Variants in MID1 observed in about 807,000 individuals in gnomAD.
The protein encoded by MID1 is E3 ubiquitin-protein ligase Midline-1.
In MID1, 7 loss-of-function variants were observed where a neutral mutation model predicts 40.4. The observed-to-expected ratio is 0.17, with a 90% CI of 0.10 to 0.33. The LOEUF (loss-of-function observed/expected upper bound fraction) is 0.33. Among genes scored for constraint, MID1 ranks in the 10% least tolerant of loss-of-function variants. The probability of loss-of-function intolerance (pLI) is 1.00; values close to 1 mark genes in which losing one functional copy is unlikely to be tolerated. For synonymous variants in MID1, 229 were observed against 221.2 expected (o/e 1.04, Z -0.31); for missense variants, 367 against 558.5 (o/e 0.66, Z 3.46).
chrX:10,687,345 C>T (rs1366159312), intron 1 of MID1, among the ~76,000 whole-genome samples: 5 of 111,980 alleles, frequency 4.5e-5, no homozygotes, highest in African/African-American at 1.6e-4. Context: ...AAAAGTCAGC[C>T]TAAAGAAGGC....
At chrX:10,782,238 A>G (rs1284754411) in intron 1 of MID1, among the ~76,000 whole-genome samples, 2 of 111,552 alleles carry the variant, frequency 1.8e-5, no homozygotes, top group East Asian at 5.6e-4. Context: ...CCCACATCCA[A>G]TTAGCTGCCC....
chrX:10,603,552 T>C (rs1935570899), intron 1 of MID1, among the ~76,000 whole-genome samples: 1 of 111,697 alleles, frequency 9.0e-6, no homozygotes, highest in Non-Finnish European at 1.9e-5. Flanking sequence ...CATGGCTTGA[T>C]CCTAAAGGAT....
At chrX:10,548,742 A>ACT (rs200162229) in intron 2 of MID1, among the ~76,000 whole-genome samples, 3,339 of 110,817 alleles carry the variant, frequency 0.03, 128 homozygotes, top group African/African-American at 0.1. Flanking sequence ...CAAACACATA[A>ACT]CTCTCCACAT....
chrX:10,562,702 T>G (rs963605948), intron 2 of MID1, among the ~76,000 whole-genome samples: 1 of 106,108 alleles, frequency 9.4e-6, no homozygotes, highest in African/African-American at 3.8e-5. Flanking sequence ...AAGTCCAAAG[T>G]TGACTTGTAT....
chrX:10,765,065 T>G (rs779064363), intron 1 of MID1, among the ~76,000 whole-genome samples: 1 of 111,422 alleles, frequency 9.0e-6, no homozygotes, highest in African/African-American at 3.3e-5. Context: ...CTAACTAACA[T>G]GCTCAGCCCA....
At chrX:10,786,804 C>T (rs2043887914) in intron 1 of MID1, among the ~76,000 whole-genome samples, 1 of 79,227 alleles carries the variant, frequency 1.3e-5, no homozygotes, top group African/African-American at 5.4e-5. Flanking sequence ...ACATCACACA[C>T]CGGGGCCTGT....
At chrX:10,522,481 T>A (rs1237834715) in intron 3 of MID1, among the ~76,000 whole-genome samples, 1 of 112,342 alleles carries the variant, frequency 8.9e-6, no homozygotes, top group Non-Finnish European at 1.9e-5. Flanking sequence ...TTTGTTATGG[T>A]AGCCATAGTA....
intron 1 of MID1, among the ~76,000 whole-genome samples, chrX:10,580,680 G>A (rs1032628771): frequency 1.3e-4 from 14 of 110,843 alleles, no homozygotes; most frequent in Admixed American, 1.9e-4. Flanking sequence ...CTGATTTTGC[G>A]CTCCATTAAA....
rs779325473 is a variant in MID1, at chrX:10,680,523, GT to G, written c.-186-60105del. Among the ~76,000 whole-genome samples the G allele has an allele frequency of 5.0e-3, 559 of 111,447 alleles. 5 individuals carry two copies. The highest frequency in any genetic ancestry group is 5.8e-3 in the Non-Finnish European group (307 of 53,055). On this transcript the variant is annotated intron_variant, in intron 1 of 10. Coordinates refer to the MID1 transcript ENST00000380785. ...AATTACCAGTTTTGTGGGGTTTTTT[GT>G]TTTTTGTTTTTTCTATACTCAGTGA...
At chrX:10,611,961 T>C (rs889244544) in intron 1 of MID1, among the ~76,000 whole-genome samples, 2 of 111,810 alleles carry the variant, frequency 1.8e-5, no homozygotes, top group Admixed American at 9.5e-5. Flanking sequence ...ATTTTTACCA[T>C]GTAGGCTGTG....
intron 1 of MID1, among the ~76,000 whole-genome samples, chrX:10,684,672 G>A (rs772950761): frequency 9.1e-6 from 1 of 110,208 alleles, no homozygotes; most frequent in South Asian, 3.9e-4. Flanking sequence ...GCCTCCCAAA[G>A]TGCTGGGATT....
At chrX:10,611,371 A>G (rs190856608) in intron 1 of MID1, among the ~76,000 whole-genome samples, 1 of 112,512 alleles carries the variant, frequency 8.9e-6, no homozygotes, top group Non-Finnish European at 1.9e-5. Context: ...TTCATTTTGA[A>G]AAGTATTCAA....
At chrX:10,454,804 ACT>A in intron 9 of MID1, 64 bp downstream of exon 9, 1 of 944,384 alleles carries the variant, frequency 1.1e-6, no homozygotes, top group South Asian at 2.0e-5. Flanking sequence ...GTATGGGTTG[ACT>A]CTCTAAGTAC....
At chrX:10,506,244 G>A (rs1025241569) in intron 3 of MID1, 17 of 995,924 alleles carry the variant, frequency 1.7e-5, no homozygotes, top group Non-Finnish European at 1.5e-5. Context: ...CTATAGCCAT[G>A]ACTAGAAAAA....
At chrX:10,823,522 A>C (rs936209416) in intron 1 of MID1, among the ~76,000 whole-genome samples, 4 of 111,769 alleles carry the variant, frequency 3.6e-5, no homozygotes, top group Non-Finnish European at 7.5e-5. Flanking sequence ...TTATTTTCTT[A>C]TATCTTTCAT....
At chrX:10,603,718 GGA>G (rs1935573967) in intron 1 of MID1, among the ~76,000 whole-genome samples, 1 of 111,262 alleles carries the variant, frequency 9.0e-6, no homozygotes, top group Non-Finnish European at 1.9e-5. Flanking sequence ...AAAGCTATAG[GGA>G]GAGAGAGATA....
In MID1 at chrX:10,616,605, C is replaced by T. The variant is rs1341669620; in HGVS notation, c.-57+3685G>A. Among the ~76,000 whole-genome samples the T allele has an allele frequency of 6.2e-5, 7 of 112,586 alleles. No individual in the cohort carries two copies. In the Admixed American group the frequency reaches 6.6e-4, roughly 11 times the overall value. ...TCCACATATGCACTTAGCCTTAAAA[C>T]TTGCTGGAATGTCTGTGGATAACAT... On this transcript the variant is annotated intron_variant, in intron 1 of 9. Transcript: ENST00000317552.
intron 1 of MID1, among the ~76,000 whole-genome samples, chrX:10,638,656 A>T (rs1936150311): frequency 8.9e-6 from 1 of 111,849 alleles, no homozygotes; most frequent in Admixed American, 9.5e-5. Context: ...TGAAGAGAGT[A>T]GTGCTTCTCC....
At chrX:10,460,684 T>C (rs1162594968) in intron 7 of MID1, among the ~76,000 whole-genome samples, 1 of 110,650 alleles carries the variant, frequency 9.0e-6, no homozygotes, top group African/African-American at 3.3e-5. Flanking sequence ...CTGGGCCCCC[T>C]CCACTTCCAG....
Sources: gnomAD v4.1 joint callset for allele counts (sites outside exome capture counted in the v4.1 genomes callset) on GRCh38, gnomAD v4.1.1 for gene constraint, MANE v1.5 for transcripts, NCBI Gene and HGNC (gene_info 2026-07-23, HGNC 2026-07-21) for gene names.